PAXBP1: variants seen among roughly 807,000 people sequenced by gnomAD.
PAXBP1 encodes the protein PAX3 and PAX7 binding protein 1.
A neutral mutation model predicts 119.9 loss-of-function variants in PAXBP1; 44 were observed. The observed-to-expected ratio is 0.37, with a 90% confidence interval of 0.29 to 0.47. The LOEUF (loss-of-function observed/expected upper bound fraction) is 0.47. Among genes scored for constraint, PAXBP1 ranks in the 20% least tolerant of loss-of-function variants. PAXBP1 has a pLI of 0.99. For missense variants in PAXBP1, 898 were observed against 1,134.1 expected (o/e 0.79, Z 2.99); for synonymous variants, 393 against 406.6 (o/e 0.97, Z 0.40).
chr21:32,741,270 G>C lies in PAXBP1; in HGVS notation c.2334+1978C>G, dbSNP rs374914487. On this transcript the variant is annotated intron_variant, in intron 15 of 17. Coordinates refer to ENST00000331923, the MANE Select transcript of PAXBP1 (RefSeq NM_016631.4). ...GTCTGTTCATAACCAAATTGGAAAT[G>C]TCGGGGCCAAGGGAAGGCTTCCCCT... The C allele has an allele frequency of 4.7e-5, 15 of 321,990 alleles. No individual in the cohort carries two copies. In the East Asian group the frequency reaches 7.5e-4, roughly 16 times the overall value. 19.9% of individuals were successfully genotyped at this position (321,990 alleles called of 1,614,324 possible). A position where few individuals can be genotyped will look rare whatever the true frequency, so the allele number is the denominator to read the frequency against.
intron 7 of PAXBP1, chr21:32,756,339 G>A (rs997967611): frequency 1.9e-6 from 1 of 531,040 alleles, no homozygotes; most frequent in Non-Finnish European, 3.9e-6. Context: ...CTGGCACCAA[G>A]TGTTATAGCA....
intron 1 of PAXBP1, 51 bp downstream of exon 1, chr21:32,771,275 G>T: frequency 6.7e-7 from 1 of 1,482,560 alleles, no homozygotes; most frequent in Non-Finnish European, 9.0e-7. Context: ...GGGGACGGGG[G>T]CCTGCGTCGG....
chr21:32,759,977 G>A lies in PAXBP1; in HGVS notation c.993C>T (p.Pro331=), dbSNP rs149224793. The stretch of plus-strand genomic sequence containing the variant: ...TCTGGTAGTACATATTCACTTCTGC[G>A]GGTTGACTGGCTTGAACCTAGAAAA... ...INIPQVQASQ[P]AEVNMYYQNT... is the part of the protein sequence containing the mutation. The change falls in exon 6 of 18, where the codon CCC becomes CCT. Residue 331 remains proline, a synonymous_variant. Transcript: ENST00000331923. 1.8e-3 allele frequency: 2,975 copies of A among 1,613,468 alleles called. 2 individuals carry two copies. The highest frequency in any genetic ancestry group is 2.2e-3 in the Non-Finnish European group (2,592 of 1,179,596).
At chr21:32,745,471 T>A in intron 12 of PAXBP1, 103 bp downstream of exon 12, 1 of 1,487,998 alleles carries the variant, frequency 6.7e-7, no homozygotes, top group Non-Finnish European at 9.2e-7. Flanking sequence ...TTATTTCTCA[T>A]GTAATTTCTA....
intron 2 of PAXBP1, among the ~76,000 whole-genome samples, chr21:32,769,255 A>G (rs534122556): frequency 6.6e-6 from 1 of 152,280 alleles, no homozygotes; most frequent in East Asian, 1.9e-4. Context: ...ACCGCTTAAA[A>G]TTTTTTAAAC....
At chr21:32,763,675 G>A (rs538456451) in intron 3 of PAXBP1, among the ~76,000 whole-genome samples, 40 of 152,264 alleles carry the variant, frequency 2.6e-4, no homozygotes, top group Admixed American at 2.4e-3. Context: ...AAGTAAAAAG[G>A]AGTGTGGACA....
intron 17 of PAXBP1, among the ~76,000 whole-genome samples, chr21:32,735,789 C>T (rs902917292): frequency 1.3e-5 from 2 of 152,190 alleles, no homozygotes; most frequent in Non-Finnish European, 2.9e-5. Flanking sequence ...ACTGTTTTAA[C>T]ATTTAGCTTA....
rs748302739 is a variant in PAXBP1, at chr21:32,762,325, C to A, written c.650-8G>T. 3 of 1,611,088 alleles carry A rather than the reference C, an allele frequency of 1.9e-6. No individual in the cohort carries two copies. The highest frequency in any genetic ancestry group is 2.5e-6 in the Non-Finnish European group (3 of 1,178,324). On this transcript the variant is annotated splice_polypyrimidine_tract_variant and splice_region_variant and intron_variant, in intron 3 of 17. Coordinates refer to ENST00000331923, the MANE Select transcript of PAXBP1 (RefSeq NM_016631.4). ...CTGCATCTGGAATTTCTCCTAGAAA[C>A]AAATGGTAAGAATATGGCAGTATGA...
At chr21:32,769,581 G>A (rs1009683449) in intron 2 of PAXBP1, among the ~76,000 whole-genome samples, 2 of 152,206 alleles carry the variant, frequency 1.3e-5, no homozygotes, top group Non-Finnish European at 2.9e-5. Flanking sequence ...AACTGTGAGA[G>A]AATCTAGTCA....
Position 32,771,596 on chromosome 21 carries a change from C to T in PAXBP1, c.73G>A (p.Glu25Lys). Residue 25 changes from glutamate (E) to lysine (K), a missense_variant, in exon 1 of 18, where the codon GAG becomes AAG. Around this residue, in one of 2 missense-constraint regions of PAXBP1, gnomAD observed 299 missense variants for 281.4 expected, o/e 1.06. Transcript: ENST00000331923. ...DSEEEERERD[E>K]EQEPPPLLPP... ...AACAACGGCGGCGGCTCCTGCTCCT[C>T]ATCGCGTTCCCGCTCTTCCTCTTCG... 2 of 1,465,836 alleles carry T rather than the reference C, an allele frequency of 1.4e-6. No individual in the cohort carries two copies. Among genetic ancestry groups the T allele is most frequent in the Non-Finnish European group, 1.8e-6 (2 of 1,114,186 alleles). The allele number at this position is 1,465,836 out of a possible 1,614,324, so 90.8% of individuals were successfully genotyped here.
intron 6 of PAXBP1, 152 bp from the exon 7 acceptor site, chr21:32,759,421 CA>C: frequency 1.2e-6 from 1 of 829,484 alleles, no homozygotes; most frequent in Non-Finnish European, 1.8e-6. Context: ...CTTTTTTTCT[CA>C]AAAAACAAAA....
Position 32,771,420 on chromosome 21 carries a change from C to T in PAXBP1, c.249G>A (p.Ala83=). ...GCGGCTTCAGCCCGTTGCCGGGCTC[C>T]GCGCCGCCGGGGAAGCCGCCCCCGG... is the stretch of plus-strand genomic sequence containing the variant. ...AEAGGGFPGG[A]EPGNGLKPRK... is the part of the protein sequence containing the mutation. Residue 83 remains alanine, a synonymous_variant, in exon 1 of 18, where the codon GCG becomes GCA. Transcript: ENST00000331923. The T allele has an allele frequency of 6.5e-7, 1 of 1,539,648 alleles. No homozygotes were observed. Among genetic ancestry groups the T allele is most frequent in the Non-Finnish European group, 8.7e-7 (1 of 1,153,038 alleles).
chr21:32,753,403 G>C (rs1307443950), intron 8 of PAXBP1, among the ~76,000 whole-genome samples: 1 of 127,622 alleles, frequency 7.8e-6, no homozygotes, highest in African/African-American at 3.0e-5. Context: ...TCCAGCCTGG[G>C]CAACAAAGCG....
intron 16 of PAXBP1, among the ~76,000 whole-genome samples, 175 bp downstream of exon 16, chr21:32,737,998 T>C (rs529445936): frequency 3.9e-5 from 6 of 152,198 alleles, no homozygotes; most frequent in Non-Finnish European, 7.3e-5. Flanking sequence ...TGCATTTTTA[T>C]GTAAAAAATG....
intron 2 of PAXBP1, among the ~76,000 whole-genome samples, chr21:32,768,734 T>C (rs932000495): frequency 5.9e-5 from 9 of 152,254 alleles, no homozygotes; most frequent in Non-Finnish European, 1.3e-4. Context: ...CAAGCCACTG[T>C]AGCAAATGTA....
chr21:32,749,912 A>T (rs541408605), intron 10 of PAXBP1, among the ~76,000 whole-genome samples: 3 of 152,192 alleles, frequency 2.0e-5, no homozygotes, highest in South Asian at 4.1e-4. Context: ...TTCCAGATTT[A>T]AAAATGTCAT....
At chr21:32,744,688 C>T (rs1411888499) in intron 13 of PAXBP1, 104 bp downstream of exon 13, 2 of 1,217,474 alleles carry the variant, frequency 1.6e-6, no homozygotes, top group Non-Finnish European at 2.2e-6. Context: ...AGTGGGAGAA[C>T]CAGATTTCTG....
chr21:32,769,876 T>C lies in PAXBP1; in HGVS notation c.410A>G (p.Lys137Arg). The C allele has an allele frequency of 6.3e-7, 1 of 1,595,456 alleles. No individual in the cohort carries two copies. The highest frequency in any genetic ancestry group is 8.5e-7 in the Non-Finnish European group (1 of 1,171,788). ...YSKKIVKLLKKEYKEDLEKSK... is the reference protein window; with the variant it reads ...YSKKIVKLLKREYKEDLEKSK... ...TTTTTCAAGATCTTCTTTATATTCC[T>C]TCTTGAGCAATTTTACTATCTTTTT... Residue 137 changes from lysine to arginine, a missense_variant, in exon 2 of 18, where the codon AAG (lysine) becomes AGG (arginine). This residue lies in a region of PAXBP1 where 299 missense variants were observed against 281.4 expected (regional missense o/e 1.06). Transcript: ENST00000331923.
Position 32,744,843 on chromosome 21 carries a change from T to G in PAXBP1, c.2139A>C (p.Lys713Asn). 6.2e-7 allele frequency: 1 copy of G among 1,607,314 alleles called. No homozygotes were observed. The highest frequency in any genetic ancestry group is 8.5e-7 in the Non-Finnish European group (1 of 1,176,008). ...QTSRMVGITL[K>N]LINGYPSVVN... is the part of the protein sequence containing the mutation. ...CTACTGAAGGATATCCATTGATTAA[T>G]TTTAGTGTAATTCCCACCATTCTTG... is the stretch of plus-strand genomic sequence containing the variant. The change falls in exon 13 of 18, where the codon AAA (lysine) becomes AAC (asparagine). Residue 713 changes from lysine (K) to asparagine (N), a missense_variant. By Grantham distance (94) the Lys-to-Asn change is moderately conservative (BLOSUM62 0). This residue lies in a region of PAXBP1 where 599 missense variants were observed against 852.7 expected (regional missense o/e 0.70). Coordinates refer to ENST00000331923, the MANE Select transcript of PAXBP1 (RefSeq NM_016631.4).
Sources: allele counts gnomAD v4.1 joint callset (sites outside exome capture counted in the v4.1 genomes callset), GRCh38; gene constraint gnomAD v4.1.1; regional missense constraint gnomAD v4.1.1; transcripts MANE v1.5; gene names NCBI Gene and HGNC (gene_info 2026-07-23, HGNC 2026-07-21).